The following FRMPD4 variants were observed in gnomAD, a reference collection of about 807,000 sequenced individuals.
FRMPD4 encodes the protein FERM and PDZ domain containing 4.
FRMPD4 carries 22 observed loss-of-function variants against 94.1 expected under a neutral mutation model. The ratio of observed to expected loss-of-function variants is 0.23; its 90% CI spans 0.17 to 0.33. The LOEUF is 0.33. Ranked by LOEUF, FRMPD4 falls within the 10% of genes least tolerant of loss-of-function variation. The pLI, the probability that FRMPD4 is intolerant of heterozygous loss-of-function variation, is 1.00. For synonymous variants in FRMPD4, 631 were observed against 548.6 expected, an observed-to-expected ratio of 1.15 and a Z score of -2.10; for missense variants, 1,111 against 1,339.9, an observed-to-expected ratio of 0.83 and a Z score of 2.67.
At chrX:12,521,071 A>C (rs6639196) in intron 2 of FRMPD4, among the ~76,000 whole-genome samples, 1 of 110,944 alleles carries the variant, frequency 9.0e-6, no homozygotes, top group Non-Finnish European at 1.9e-5. Context: ...TGTGCTCCAA[A>C]AAAACTTTAC....
intron 3 of FRMPD4, among the ~76,000 whole-genome samples, chrX:11,947,888 A>G (rs1003740003): frequency 9.2e-6 from 1 of 108,126 alleles, no homozygotes; most frequent in Non-Finnish European, 1.9e-5. Context: ...GGAGTTCGAG[A>G]CCAGCAGACC....
At chrX:12,095,578 C>G (rs771278452) in intron 3 of FRMPD4, among the ~76,000 whole-genome samples, 4 of 110,852 alleles carry the variant, frequency 3.6e-5, no homozygotes, top group Non-Finnish European at 5.7e-5. Flanking sequence ...TGTTTACTCC[C>G]TGGCCCTTCA....
chrX:11,929,861 AGTTTGGGAGGCCGAGGCT>A (rs1226764971), intron 3 of FRMPD4, among the ~76,000 whole-genome samples: 2 of 110,322 alleles, frequency 1.8e-5, no homozygotes, highest in Non-Finnish European at 3.8e-5. Context: ...TAATCCCAAC[AGTTTGGGAGGCCGAGGCT>A]GGTGTATCAC....
chrX:12,063,798 T>C (rs1358319151), intron 3 of FRMPD4, among the ~76,000 whole-genome samples: 1 of 112,651 alleles, frequency 8.9e-6, no homozygotes, highest in Non-Finnish European at 1.9e-5. Context: ...GACTACCCTT[T>C]CCAATTCTTC....
intron 1 of FRMPD4, among the ~76,000 whole-genome samples, chrX:12,473,864 T>C (rs2057554393): frequency 9.1e-6 from 1 of 109,643 alleles, no homozygotes; most frequent in South Asian, 3.8e-4. Flanking sequence ...ACAATAATAA[T>C]GGGAGACTTT....
intron 3 of FRMPD4, among the ~76,000 whole-genome samples, chrX:12,009,001 C>T (rs943948507): frequency 1.9e-4 from 21 of 111,618 alleles, no homozygotes; most frequent in African/African-American, 6.8e-4. Context: ...TGAAATCTTT[C>T]GTTTGCTTTA....
intron 3 of FRMPD4, among the ~76,000 whole-genome samples, chrX:12,104,348 T>C (rs2055278976): frequency 8.9e-6 from 1 of 112,372 alleles, no homozygotes; most frequent in Non-Finnish European, 1.9e-5. Flanking sequence ...GTCTAGTACC[T>C]ATGGCACTAA....
At chrX:12,505,307 T>C (rs1338493039) in intron 2 of FRMPD4, among the ~76,000 whole-genome samples, 1 of 112,127 alleles carries the variant, frequency 8.9e-6, no homozygotes, top group Non-Finnish European at 1.9e-5. Context: ...GCAGAAATTC[T>C]GGCCTGTGCC....
intron 1 of FRMPD4, among the ~76,000 whole-genome samples, chrX:12,152,762 C>T (rs1449346187): frequency 1.8e-5 from 2 of 110,032 alleles, no homozygotes; most frequent in African/African-American, 3.3e-5. Context: ...GCTGGAAGAT[C>T]GTATCATTAT....
intron 1 of FRMPD4, among the ~76,000 whole-genome samples, chrX:12,257,339 T>C (rs1268509062): frequency 1.8e-5 from 2 of 111,706 alleles, no homozygotes; most frequent in Non-Finnish European, 3.8e-5. Context: ...CCTTACAAAT[T>C]GTAATATGTG....
intron 1 of FRMPD4, among the ~76,000 whole-genome samples, chrX:12,481,734 G>A (rs1265229073): frequency 9.3e-6 from 1 of 107,617 alleles, no homozygotes; most frequent in African/African-American, 3.4e-5. Context: ...TAGGTCAGGA[G>A]CTCGAGACCA....
At chrX:11,949,710 G>A (rs2054210195) in intron 3 of FRMPD4, among the ~76,000 whole-genome samples, 1 of 111,309 alleles carries the variant, frequency 9.0e-6, no homozygotes, top group Non-Finnish European at 1.9e-5. Flanking sequence ...TGCTTCAATA[G>A]GTGGTGATCA....
At chrX:12,246,619 G>C (rs1437336285) in intron 1 of FRMPD4, among the ~76,000 whole-genome samples, 1 of 110,162 alleles carries the variant, frequency 9.1e-6, no homozygotes, top group Non-Finnish European at 1.9e-5. Flanking sequence ...TAGAGTCATA[G>C]GAAAAATACA....
chrX:12,084,869 C>CA (rs2055094432), intron 3 of FRMPD4, among the ~76,000 whole-genome samples: 1 of 112,039 alleles, frequency 8.9e-6, no homozygotes, highest in Non-Finnish European at 1.9e-5. Flanking sequence ...TAAAAGCCTT[C>CA]AGACAAACTC....
intron 2 of FRMPD4, among the ~76,000 whole-genome samples, chrX:12,533,357 A>T (rs1253122342): frequency 8.9e-6 from 1 of 111,990 alleles, no homozygotes; most frequent in East Asian, 2.8e-4. Context: ...GTATGTCTTT[A>T]TCAGCAGCGT....
intron 1 of FRMPD4, among the ~76,000 whole-genome samples, chrX:12,438,991 A>G (rs1476288551): frequency 1.8e-5 from 2 of 111,185 alleles, no homozygotes; most frequent in Non-Finnish European, 3.8e-5. Flanking sequence ...CTTCCACACT[A>G]TCCTTATAAG....
chrX:12,358,945 G>A (rs776981505), intron 1 of FRMPD4, among the ~76,000 whole-genome samples: 31 of 111,929 alleles, frequency 2.8e-4, no homozygotes, highest in South Asian at 7.5e-4. Flanking sequence ...TTCTATAACC[G>A]CAACAACAGT....
At chrX:11,839,786 C>G (rs183165177) in intron 1 of FRMPD4, among the ~76,000 whole-genome samples, 1 of 110,567 alleles carries the variant, frequency 9.0e-6, no homozygotes, top group East Asian at 2.8e-4. Flanking sequence ...CAAATTGATT[C>G]TCAATTTTCC....
At chrX:12,087,706 G>A (rs144218693) in intron 3 of FRMPD4, among the ~76,000 whole-genome samples, 634 of 112,088 alleles carry the variant, frequency 5.7e-3, no homozygotes, top group African/African-American at 0.02. Flanking sequence ...GATACGTTTA[G>A]GGTTTTTTTC....
Sources: allele counts gnomAD v4.1 joint callset (sites outside exome capture counted in the v4.1 genomes callset), GRCh38; gene constraint gnomAD v4.1.1; transcripts MANE v1.5; gene names NCBI Gene and HGNC (gene_info 2026-07-23, HGNC 2026-07-21).